Variants in MORC2 observed in about 807,000 individuals in gnomAD.
The protein encoded by MORC2 is ATPase MORC2.
MORC2 carries 30 observed loss-of-function variants against 136.0 expected under a neutral mutation model. The observed-to-expected ratio is 0.22, with a 90% CI of 0.17 to 0.30. The LOEUF is 0.30. Ranked by LOEUF, MORC2 falls within the 10% of genes least tolerant of loss-of-function variation. The pLI is 1.00. For synonymous variants in MORC2, 439 were observed against 487.0 expected (o/e 0.90, Z 1.30); for missense variants, 922 against 1,333.1 (o/e 0.69, Z 4.80).
intron 6 of MORC2, among the ~76,000 whole-genome samples, chr22:30,943,361 A>C (rs2040769340): frequency 6.6e-6 from 1 of 152,238 alleles, no homozygotes; most frequent in Non-Finnish European, 1.5e-5. Context: ...GACACTTCTA[A>C]CATCAGTCTG....
intron 10 of MORC2, 80 bp downstream of exon 10, chr22:30,940,678 T>C: frequency 7.7e-7 from 1 of 1,300,068 alleles, no homozygotes; most frequent in Non-Finnish European, 1.1e-6. Flanking sequence ...ACTCAGCCTT[T>C]TCCTGGAACC....
intron 25 of MORC2, 139 bp downstream of exon 25, chr22:30,927,880 C>T: frequency 1.9e-6 from 2 of 1,039,136 alleles, no homozygotes; most frequent in Non-Finnish European, 2.8e-6. Flanking sequence ...AGCCCTCCTG[C>T]CAGGGTGCTG....
intron 1 of MORC2, among the ~76,000 whole-genome samples, chr22:30,959,750 A>T (rs1280960857): frequency 6.6e-6 from 1 of 152,264 alleles, no homozygotes; most frequent in Non-Finnish European, 1.5e-5. Context: ...ATAGAGTTTC[A>T]GCCAAAGTAA....
chr22:30,933,071 A>T (rs750478266), intron 21 of MORC2, 41 bp from the exon 22 acceptor site: 22 of 1,609,146 alleles, frequency 1.4e-5, no homozygotes, highest in Admixed American at 1.7e-5. Context: ...AAACTAGCGT[A>T]GAGTCCCTCA....
chr22:30,941,273 C>A lies in MORC2; in HGVS notation c.824+160G>T, dbSNP rs1177924793. On this transcript the variant is annotated intron_variant, in intron 9 of 25. Transcript: ENST00000397641. The surrounding 1 kb of genome is among the most constrained non-coding windows in gnomAD (Gnocchi z 4.6). The stretch of plus-strand genomic sequence containing the variant: ...GCTGATCTGTCCCTCCTCTAGGACC[C>A]AGAACTGACCCTGTGACCAATCACA... Among the ~76,000 whole-genome samples, 1 of 152,196 alleles carries A rather than the reference C, an allele frequency of 6.6e-6. No homozygotes were observed. The highest frequency in any genetic ancestry group is 1.9e-4 in the East Asian group (1 of 5,184).
In MORC2 at chr22:30,942,287, G is replaced by A. The variant is rs753847175; in HGVS notation, c.427-16C>T. 1.2e-6 allele frequency: 2 copies of A among 1,600,216 alleles called. No individual in the cohort carries two copies. The highest frequency in any genetic ancestry group is 1.7e-6 in the Non-Finnish European group (2 of 1,175,344). On this transcript the variant is annotated splice_polypyrimidine_tract_variant and intron_variant, in intron 6 of 25. Transcript: ENST00000397641. ...GGACTATCACCTGTGGAGTAAACAT[G>A]AGCAGGCACTTTAAGGGAAGCCCCA...
At chr22:30,964,185 A>G (rs569833089) in intron 1 of MORC2, among the ~76,000 whole-genome samples, 37 of 152,176 alleles carry the variant, frequency 2.4e-4, no homozygotes, top group Admixed American at 9.2e-4. Context: ...GTGAAACCCC[A>G]TCTCTACTAA....
chr22:30,939,875 T>C, intron 11 of MORC2, 84 bp downstream of exon 11: 5 of 1,450,632 alleles, frequency 3.4e-6, no homozygotes, highest in Non-Finnish European at 4.7e-6. Flanking sequence ...ACTCAAAAGC[T>C]GTGTTTTACT....
chr22:30,967,429 G>C lies in MORC2; in HGVS notation c.68+393C>G, dbSNP rs1051983373. ...TTTTCTTGTTAGAAAGTAAACACTT[G>C]TTATAAACCTAACTGTTTAGGACGT... is the stretch of plus-strand genomic sequence containing the variant. On this transcript the variant is annotated intron_variant, in intron 1 of 25. Coordinates refer to ENST00000397641, the MANE Select transcript of MORC2 (RefSeq NM_001303256.3). 44 of 991,162 alleles carry C rather than the reference G, an allele frequency of 4.4e-5. No individual in the cohort carries two copies. The South Asian group carries it at 1.3e-3, about 30-fold the overall frequency. 61.4% of individuals were successfully genotyped at this position (991,162 alleles called of 1,614,324 possible).
Position 30,936,609 on chromosome 22 carries a change from G to T in MORC2, c.1639C>A (p.Leu547Met), listed in dbSNP as rs1320542815. 1 of 1,614,116 alleles carries T rather than the reference G, an allele frequency of 6.2e-7. No individual in the cohort carries two copies. The highest frequency in any genetic ancestry group is 8.5e-7 in the Non-Finnish European group (1 of 1,180,022). ...EASEQKQKVPLGTFRKDMKTQ... is the reference protein window; with the variant it reads ...EASEQKQKVPMGTFRKDMKTQ... ...TTCATGTCCTTTCTGAATGTTCCCA[G>T]GGGAACCTTCTGCTTTTGTTCAGAA... Residue 547 changes from leucine to methionine, a missense_variant, in exon 17 of 26, where the codon CTG (leucine) becomes ATG (methionine). Around this residue, in one of 9 missense-constraint regions of MORC2, gnomAD observed 119 missense variants for 202.7 expected, o/e 0.59. Coordinates refer to ENST00000397641, the MANE Select transcript of MORC2 (RefSeq NM_001303256.3).
At chr22:30,938,006 TGGC>T in intron 13 of MORC2, 37 bp from the exon 14 acceptor site, 1 of 1,613,718 alleles carries the variant, frequency 6.2e-7, no homozygotes, top group Non-Finnish European at 8.5e-7. Context: ...GTCACCCCAC[TGGC>T]AACGCCCTCC....
chr22:30,963,827 T>A (rs1019919179), intron 1 of MORC2, among the ~76,000 whole-genome samples: 1 of 152,138 alleles, frequency 6.6e-6, no homozygotes, highest in South Asian at 2.1e-4. Flanking sequence ...TGTAAACCAA[T>A]AGATCATCCA....
At position 30,941,345 on chromosome 22, in the gene MORC2, T is replaced by C; in HGVS notation, c.824+88A>G. The C allele has an allele frequency of 4.5e-6, 7 of 1,550,866 alleles. No homozygotes were observed. Among genetic ancestry groups the C allele is most frequent in the East Asian group, 2.3e-5 (1 of 43,884 alleles). On this transcript the variant is annotated intron_variant, in intron 9 of 25. Coordinates refer to ENST00000397641, the MANE Select transcript of MORC2 (RefSeq NM_001303256.3). This position sits in a 1 kb window ranked among gnomAD's most constrained non-coding sequence, Gnocchi z 4.6. ...TAGTCAGCACTGCCAGAGCCTCTTA[T>C]ACAGCATCCCTCTAACAATGCCCCA...
intron 25 of MORC2, 51 bp from the exon 26 acceptor site, chr22:30,926,922 G>C (rs747870066): frequency 6.6e-7 from 1 of 1,510,804 alleles, no homozygotes; most frequent in South Asian, 1.1e-5. Flanking sequence ...GTGATTGGGG[G>C]GCTCACCTTT....
chr22:30,939,970 G>A lies in MORC2; in HGVS notation c.976C>T (p.Arg326Trp), dbSNP rs558057376. 18 of 1,613,784 alleles carry A rather than the reference G, an allele frequency of 1.1e-5. No individual in the cohort carries two copies. Among genetic ancestry groups the A allele is most frequent in the Middle Eastern group, 1.7e-4 (1 of 6,060 alleles). Reference protein sequence around the residue: ...LEVRLGGDLTRDSRVMLRQVQ... With the variant: ...LEVRLGGDLTWDSRVMLRQVQ... ...GGCCGGGACCTTACCCTGGAGTCCC[G>A]CGTGAGGTCTCCACCTAGGCGTACT... Residue 326 changes from arginine to tryptophan, a missense_variant, in exon 11 of 26, where the codon CGG (arginine) becomes TGG (tryptophan). Around this residue, in one of 9 missense-constraint regions of MORC2, gnomAD observed 261 missense variants for 354.3 expected, o/e 0.74. Coordinates refer to ENST00000397641, the MANE Select transcript of MORC2 (RefSeq NM_001303256.3).
intron 1 of MORC2, among the ~76,000 whole-genome samples, chr22:30,964,679 G>A (rs924717757): frequency 1.3e-5 from 2 of 152,148 alleles, no homozygotes; most frequent in African/African-American, 4.8e-5. Context: ...ATTAACTGAA[G>A]ACTTTCAGGT....
chr22:30,941,497 T>G lies in MORC2; in HGVS notation c.760A>C (p.Arg254=), dbSNP rs568744235. The G allele has an allele frequency of 8.7e-6, 14 of 1,614,106 alleles. No homozygotes were observed. Among genetic ancestry groups the G allele is most frequent in the Non-Finnish European group, 1.2e-5 (14 of 1,180,012 alleles). Residue 254 remains arginine (R), a synonymous_variant, in exon 9 of 26, where the codon AGG becomes CGG. Transcript: ENST00000397641. This position sits in a 1 kb window ranked among gnomAD's most constrained non-coding sequence, Gnocchi z 4.6. ...AAVLYIDPRM[R]IFIHGHKVQT... ...ACCTTGTGCCCATGGATGAAGATCC[T>G]CATCCGGGGATCAATATAGAGCACA...
Position 30,937,820 on chromosome 22 carries a change from G to T in MORC2, c.1364C>A (p.Ala455Asp), listed in dbSNP as rs1256419099. The change falls in exon 14 of 26, where the codon GCC becomes GAC. Residue 455 changes from alanine to aspartate, a missense_variant. Ala to Asp is a moderately radical substitution (Grantham distance 126). Transcript: ENST00000397641. This position sits in a 1 kb window ranked among gnomAD's most constrained non-coding sequence, Gnocchi z 4.7. ...CAGCAGCCCAGCCCCATTACCGATG[G>T]CAATATCCTTCCAATACTGCGCCAG... ...EHLAQYWKDI[A>D]IAQRGIIKFW... The T allele has an allele frequency of 1.9e-6, 3 of 1,614,124 alleles. No individual in the cohort carries two copies. In the South Asian group the frequency reaches 3.3e-5, roughly 18 times the overall value.
At chr22:30,954,248 T>G (rs1248091406) in intron 3 of MORC2, among the ~76,000 whole-genome samples, 1 of 152,058 alleles carries the variant, frequency 6.6e-6, no homozygotes, top group Non-Finnish European at 1.5e-5. Context: ...TGAGCCTAGA[T>G]AGCACACTGC....
Sources: allele counts gnomAD v4.1 joint callset (sites outside exome capture counted in the v4.1 genomes callset), GRCh38; gene constraint gnomAD v4.1.1; regional missense constraint gnomAD v4.1.1; non-coding constraint Gnocchi (gnomAD v3.1); transcripts MANE v1.5; gene names NCBI Gene and HGNC (gene_info 2026-07-23, HGNC 2026-07-21).